Variants in RIMS1 observed in about 807,000 individuals in gnomAD.
RIMS1 encodes regulating synaptic membrane exocytosis protein 1.
In RIMS1, 83 loss-of-function variants were observed where a neutral mutation model predicts 214.1. That is an observed-to-expected ratio of 0.39 (90% confidence interval 0.32 to 0.47). The LOEUF is 0.47. Ranked by LOEUF, RIMS1 falls within the 20% of genes least tolerant of loss-of-function variation. The pLI is 0.99. For missense variants in RIMS1, 2,050 were observed against 2,161.8 expected (o/e 0.95, Z 1.03); for synonymous variants, 793 against 786.8 (o/e 1.01, Z -0.13).
intron 2 of RIMS1, among the ~76,000 whole-genome samples, chr6:72,011,129 A>C (rs1469718678): frequency 2.6e-5 from 4 of 152,196 alleles, no homozygotes; most frequent in Admixed American, 6.5e-5. Context: ...ACCAAAACAG[A>C]GATATAGACC....
chr6:72,213,938 T>C (rs1214693662), intron 6 of RIMS1, among the ~76,000 whole-genome samples: 1 of 152,182 alleles, frequency 6.6e-6, no homozygotes, highest in Non-Finnish European at 1.5e-5. Flanking sequence ...AAGAAGGATA[T>C]ATATAGCTCA....
intron 4 of RIMS1, among the ~76,000 whole-genome samples, chr6:72,168,311 A>T (rs1588442193): frequency 6.6e-6 from 1 of 152,312 alleles, no homozygotes; most frequent in South Asian, 2.1e-4. Flanking sequence ...CAAGAGTGAA[A>T]GTTTATTTAA....
chr6:72,062,439 T>C (rs1003254018), intron 2 of RIMS1, among the ~76,000 whole-genome samples: 8 of 152,210 alleles, frequency 5.3e-5, no homozygotes, highest in Admixed American at 3.3e-4. Flanking sequence ...GGAGAATAGT[T>C]TGCTAGTTAT....
At chr6:72,342,622 G>C (rs554869179) in intron 29 of RIMS1, among the ~76,000 whole-genome samples, 3 of 135,638 alleles carry the variant, frequency 2.2e-5, no homozygotes, top group East Asian at 4.1e-4. Flanking sequence ...GTAAGAGTAA[G>C]ATGGGTGTGT....
chr6:71,972,064 G>A (rs1330566725), intron 2 of RIMS1, among the ~76,000 whole-genome samples: 1 of 152,022 alleles, frequency 6.6e-6, no homozygotes, highest in Non-Finnish European at 1.5e-5. Flanking sequence ...AAAAAAATAA[G>A]AGCGAGCCCT....
At chr6:72,029,561 T>C (rs1206027859) in intron 2 of RIMS1, among the ~76,000 whole-genome samples, 1 of 152,168 alleles carries the variant, frequency 6.6e-6, no homozygotes, top group Non-Finnish European at 1.5e-5. Flanking sequence ...GGCATCATGA[T>C]ATTGGACTTC....
intron 2 of RIMS1, among the ~76,000 whole-genome samples, chr6:72,006,682 G>A (rs185777104): frequency 2.1e-3 from 316 of 152,320 alleles, no homozygotes; most frequent in Middle Eastern, 6.8e-3. Flanking sequence ...ATTATATCCC[G>A]TGCCTGGCTC....
At chr6:72,228,971 A>T (rs1320026716) in intron 6 of RIMS1, among the ~76,000 whole-genome samples, 1 of 151,894 alleles carries the variant, frequency 6.6e-6, no homozygotes, top group Non-Finnish European at 1.5e-5. Flanking sequence ...TCTAACATGC[A>T]TTTAGAAAAC....
chr6:72,137,577 ATAT>A (rs1166424746), intron 4 of RIMS1, among the ~76,000 whole-genome samples: 1 of 151,664 alleles, frequency 6.6e-6, no homozygotes, highest in African/African-American at 2.4e-5. Context: ...CATTCTTTGT[ATAT>A]TAAGTACATT....
At chr6:72,266,983 A>G (rs1414817324) in intron 22 of RIMS1, among the ~76,000 whole-genome samples, 1 of 152,050 alleles carries the variant, frequency 6.6e-6, no homozygotes, top group Non-Finnish European at 1.5e-5. Flanking sequence ...GAGTCTATTC[A>G]TTTATTTATG....
chr6:72,137,895 C>T (rs1587883113), intron 4 of RIMS1, among the ~76,000 whole-genome samples: 2 of 152,006 alleles, frequency 1.3e-5, no homozygotes, highest in African/African-American at 4.8e-5. Context: ...CACCGCCACG[C>T]CCGGCTAATT....
intron 31 of RIMS1, among the ~76,000 whole-genome samples, chr6:72,394,445 G>A (rs1272795715): frequency 6.6e-6 from 1 of 152,120 alleles, no homozygotes; most frequent in Non-Finnish European, 1.5e-5. Context: ...GACAGAAATT[G>A]TCAAGTATGT....
intron 4 of RIMS1, among the ~76,000 whole-genome samples, chr6:72,129,221 C>T (rs1011453871): frequency 2.0e-5 from 3 of 152,158 alleles, no homozygotes; most frequent in African/African-American, 7.2e-5. Flanking sequence ...ATTGATCTAT[C>T]CTTATGAAAT....
At chr6:72,257,990 G>C in intron 16 of RIMS1, 135 bp from the exon 17 acceptor site, 1 of 728,588 alleles carries the variant, frequency 1.4e-6, no homozygotes, top group Non-Finnish European at 2.2e-6. Flanking sequence ...TTGAAGATAA[G>C]GCTATTAATA....
At position 72,390,659 on chromosome 6, in the gene RIMS1, T is replaced by C. The variant is rs774797525; in HGVS notation, c.4428T>C (p.Ala1476=). ...GAAGCACAGAAACAGGCATGGCAGC[T>C]GAAATGAGAAAGATGGTAAGGCAGC... ...IQRSTETGMA[A]EMRKMVRQPS... is the part of the protein sequence containing the mutation. Residue 1476 remains alanine, a synonymous_variant, in exon 30 of 34, where the codon GCT becomes GCC. Coordinates refer to ENST00000521978, the MANE Select transcript of RIMS1 (RefSeq NM_014989.7). The C allele has an allele frequency of 1.5e-5, 25 of 1,613,716 alleles. No individual in the cohort carries two copies. The highest frequency in any genetic ancestry group is 1.9e-5 in the Non-Finnish European group (23 of 1,179,822).
At chr6:71,982,427 T>C (rs945628824) in intron 2 of RIMS1, among the ~76,000 whole-genome samples, 1 of 152,140 alleles carries the variant, frequency 6.6e-6, no homozygotes, top group Non-Finnish European at 1.5e-5. Context: ...ATAAGAGTGC[T>C]CAAATATTAT....
intron 4 of RIMS1, among the ~76,000 whole-genome samples, chr6:72,127,438 C>A (rs546564365): frequency 1.8e-4 from 27 of 152,066 alleles, no homozygotes; most frequent in Non-Finnish European, 3.7e-4. Context: ...AATTGATTTT[C>A]ATTAACTTAA....
intron 29 of RIMS1, among the ~76,000 whole-genome samples, chr6:72,383,939 T>G (rs1245020552): frequency 6.6e-6 from 1 of 152,256 alleles, no homozygotes; most frequent in African/African-American, 2.4e-5. Flanking sequence ...ACTTTGTTTT[T>G]GTGAGTTAAC....
intron 2 of RIMS1, among the ~76,000 whole-genome samples, chr6:72,032,073 G>A (rs184990828): frequency 7.8e-4 from 118 of 152,220 alleles, no homozygotes; most frequent in African/African-American, 2.8e-3. Context: ...CAGGGGAAAG[G>A]AAGGAATGCA....
Sources: gnomAD v4.1 joint callset for allele counts (sites outside exome capture counted in the v4.1 genomes callset) on GRCh38, gnomAD v4.1.1 for gene constraint, MANE v1.5 for transcripts, NCBI Gene and HGNC (gene_info 2026-07-23, HGNC 2026-07-21) for gene names.